The following MAP3K19 variants were observed in gnomAD, a reference collection of about 807,000 sequenced individuals.
The protein encoded by MAP3K19 is mitogen-activated protein kinase kinase kinase 19.
A neutral mutation model predicts 114.4 loss-of-function variants in MAP3K19; 91 were observed. The ratio of observed to expected loss-of-function variants is 0.80; its 90% CI spans 0.67 to 0.95. The LOEUF (loss-of-function observed/expected upper bound fraction) is 0.95. Among genes scored for constraint, MAP3K19 ranks in the 40% least tolerant of loss-of-function variants. The pLI is 0.00. For missense variants in MAP3K19, 1,471 were observed against 1,573.2 expected (o/e 0.94, Z 1.10); for synonymous variants, 518 against 530.5 (o/e 0.98, Z 0.32).
intron 12 of MAP3K19, among the ~76,000 whole-genome samples, chr2:134,975,902 A>G (rs1291908438): frequency 6.6e-6 from 1 of 152,168 alleles, no homozygotes; most frequent in Non-Finnish European, 1.5e-5. Flanking sequence ...CCCTGCTGCT[A>G]GAAAGGGTGG....
At chr2:134,996,196 C>T (rs889580760) in intron 8 of MAP3K19, among the ~76,000 whole-genome samples, 3 of 151,938 alleles carry the variant, frequency 2.0e-5, no homozygotes, top group African/African-American at 7.3e-5. Context: ...TGGCCTCAAG[C>T]AGTGCTCCTG....
intron 5 of MAP3K19, among the ~76,000 whole-genome samples, chr2:135,008,093 C>A (rs1686958396): frequency 6.6e-6 from 1 of 151,684 alleles, no homozygotes. Context: ...AAATTTCTTT[C>A]CTTCAACAAA....
chr2:134,982,674 T>C (rs1392481061), intron 11 of MAP3K19, among the ~76,000 whole-genome samples: 3 of 152,128 alleles, frequency 2.0e-5, no homozygotes, highest in Non-Finnish European at 4.4e-5. Context: ...CTATGATGAC[T>C]ACATGAGATG....
chr2:135,026,825 C>T (rs1688267891), intron 3 of MAP3K19, among the ~76,000 whole-genome samples: 1 of 152,096 alleles, frequency 6.6e-6, no homozygotes, highest in South Asian at 2.1e-4. Context: ...TTGACATTCC[C>T]AGTAACTACC....
chr2:134,996,017 G>A (rs1685959564), intron 8 of MAP3K19, among the ~76,000 whole-genome samples: 1 of 151,994 alleles, frequency 6.6e-6, no homozygotes, highest in African/African-American at 2.4e-5. Context: ...ATCATCCACT[G>A]CAGCCTTGGC....
At chr2:134,997,823 A>AAAAAAAAAAAAAAAAAAAAAAAAAAAT (rs1686126319) in intron 8 of MAP3K19, among the ~76,000 whole-genome samples, 1 of 151,708 alleles carries the variant, frequency 6.6e-6, no homozygotes, top group Non-Finnish European at 1.5e-5. Flanking sequence ...GTCTCAAAAA[A>AAAAAAAAAAAAAAAAAAAAAAAAAAAT]AAAAAAACTT....
chr2:135,024,921 TA>T (rs1038248189), intron 3 of MAP3K19, among the ~76,000 whole-genome samples, 180 bp from the exon 4 acceptor site: 8 of 152,224 alleles, frequency 5.3e-5, no homozygotes, highest in Non-Finnish European at 1.2e-4. Flanking sequence ...AGATTTTAAA[TA>T]AAAGGAATTT....
chr2:134,965,676 G>A (rs542593420), intron 12 of MAP3K19, among the ~76,000 whole-genome samples: 2 of 151,970 alleles, frequency 1.3e-5, no homozygotes, highest in African/African-American at 4.8e-5. Context: ...CCGCTACATT[G>A]TGCAACCACT....
intron 4 of MAP3K19, among the ~76,000 whole-genome samples, chr2:135,024,069 G>A (rs980046333): frequency 8.5e-5 from 13 of 152,112 alleles, no homozygotes; most frequent in Non-Finnish European, 1.6e-4. Context: ...AGGGGCCTCT[G>A]CTCCACAAAA....
At chr2:134,980,253 A>C (rs1684539017) in intron 12 of MAP3K19, among the ~76,000 whole-genome samples, 2 of 152,218 alleles carry the variant, frequency 1.3e-5, no homozygotes, top group Admixed American at 1.3e-4. Context: ...CCTGGCTAAA[A>C]ATTTGAAAAT....
chr2:134,984,867 G>A (rs1684982332), intron 10 of MAP3K19, among the ~76,000 whole-genome samples: 2 of 152,266 alleles, frequency 1.3e-5, no homozygotes, highest in East Asian at 3.9e-4. Flanking sequence ...CAGGAGAATC[G>A]CTTTAACCCA....
intron 12 of MAP3K19, among the ~76,000 whole-genome samples, chr2:134,977,151 A>T (rs1684293986): frequency 6.7e-6 from 1 of 149,560 alleles, no homozygotes; most frequent in Admixed American, 6.7e-5. Context: ...CTTGAACTGG[A>T]TACCATTTCT....
chr2:135,023,162 T>A, intron 4 of MAP3K19: 1 of 244,470 alleles, frequency 4.1e-6, no homozygotes, highest in Non-Finnish European at 8.2e-6. Context: ...CTCTCTGCAA[T>A]CTATCTTCTG....
At chr2:134,982,113 C>CTTTTTT (rs35219224) in intron 11 of MAP3K19, among the ~76,000 whole-genome samples, 30 of 76,340 alleles carry the variant, frequency 3.9e-4, no homozygotes, top group Admixed American at 8.1e-4. Context: ...CTTTTTCTTT[C>CTTTTTT]TTTTTTTTTT....
At chr2:135,025,504 GCCT>G (rs1389368292) in intron 3 of MAP3K19, among the ~76,000 whole-genome samples, 1 of 148,420 alleles carries the variant, frequency 6.7e-6, no homozygotes, top group Non-Finnish European at 1.5e-5. Context: ...TCCTGCCTCA[GCCT>G]CCAGAGTAGC....
At chr2:135,042,733 G>A (rs1688671420) in intron 1 of MAP3K19, among the ~76,000 whole-genome samples, 1 of 151,930 alleles carries the variant, frequency 6.6e-6, no homozygotes, top group African/African-American at 2.4e-5. Context: ...TGCGTTTTAG[G>A]AACATTGGTA....
At chr2:134,968,575 G>A (rs1393810902) in intron 12 of MAP3K19, among the ~76,000 whole-genome samples, 2 of 146,734 alleles carry the variant, frequency 1.4e-5, no homozygotes, top group African/African-American at 2.6e-5. Flanking sequence ...CGGGCGGAGG[G>A]GCTCCTCACT....
chr2:134,970,527 T>C (rs148305114), intron 12 of MAP3K19, among the ~76,000 whole-genome samples: 2,817 of 152,160 alleles, frequency 0.019, 89 homozygotes, highest in African/African-American at 0.065. Flanking sequence ...CTTTAGGTTT[T>C]TCTAGATATA....
intron 5 of MAP3K19, among the ~76,000 whole-genome samples, chr2:135,015,870 C>T (rs918842077): frequency 1.3e-5 from 2 of 150,306 alleles, no homozygotes; most frequent in Non-Finnish European, 3.0e-5. Flanking sequence ...TCTAGCCTGG[C>T]AACAGAGCGA....
Sources: gnomAD v4.1 joint callset for allele counts (sites outside exome capture counted in the v4.1 genomes callset) on GRCh38, gnomAD v4.1.1 for gene constraint, MANE v1.5 for transcripts, NCBI Gene and HGNC (gene_info 2026-07-23, HGNC 2026-07-21) for gene names.